Variants in GABPB1 observed in about 807,000 individuals in gnomAD.
The protein encoded by GABPB1 is GA binding protein transcription factor subunit beta 1.
In GABPB1, 15 loss-of-function variants were observed where a neutral mutation model predicts 45.9. That is an observed-to-expected ratio of 0.33 (90% confidence interval 0.22 to 0.50). The LOEUF (loss-of-function observed/expected upper bound fraction) is 0.50. Ranked by LOEUF, GABPB1 falls within the 20% of genes least tolerant of loss-of-function variation. The pLI, the probability that GABPB1 is intolerant of heterozygous loss-of-function variation, is 0.98. For synonymous variants in GABPB1, 143 were observed against 154.4 expected (o/e 0.93, Z 0.55); for missense variants, 252 against 457.5 (o/e 0.55, Z 4.10).
chr15:50,320,243 C>A (rs2047511973), intron 1 of GABPB1, among the ~76,000 whole-genome samples: 1 of 152,230 alleles, frequency 6.6e-6, no homozygotes, highest in Admixed American at 6.5e-5. Context: ...TCTTGGCTCA[C>A]TGCAACCTCC....
At chr15:50,319,392 A>G (rs190408382) in intron 1 of GABPB1, among the ~76,000 whole-genome samples, 89 of 152,286 alleles carry the variant, frequency 5.8e-4, no homozygotes, top group African/African-American at 2.1e-3. Context: ...AATAGTGAAC[A>G]CTGTACCCAA....
chr15:50,312,376 T>C (rs1216935338), intron 1 of GABPB1, among the ~76,000 whole-genome samples: 2 of 152,210 alleles, frequency 1.3e-5, no homozygotes, highest in Admixed American at 1.3e-4. Flanking sequence ...TTTCCTTTTT[T>C]TCTCCTATTC....
chr15:50,344,086 G>A (rs933614216), intron 1 of GABPB1, among the ~76,000 whole-genome samples: 9 of 152,182 alleles, frequency 5.9e-5, no homozygotes, highest in African/African-American at 1.9e-4. Context: ...TTAGAACAGT[G>A]CCAGCCGCAG....
rs1267386459 is a variant in GABPB1 at position 50,275,475 on chromosome 15, CA to C, written c.*3156del. The C allele has an allele frequency of 6.6e-6, 1 of 152,116 alleles. No homozygotes were observed. Among genetic ancestry groups the C allele is most frequent in the Admixed American group, 6.6e-5 (1 of 15,262 alleles). 9.4% of individuals were successfully genotyped at this position (152,116 alleles called of 1,614,324 possible). A position where few individuals can be genotyped will look rare whatever the true frequency, so the allele number is the denominator to read the frequency against. On this transcript the variant is annotated 3_prime_UTR_variant, in exon 9 of 9. Coordinates refer to ENST00000380877, the MANE Select transcript of GABPB1 (RefSeq NM_016654.5). ...ATGTCCTGATAAACCCATCCTAAGT[CA>C]AAAATATCATAAATGTAAAATGCAA...
intron 3 of GABPB1, 132 bp downstream of exon 3, chr15:50,303,834 G>C: frequency 3.7e-6 from 2 of 543,724 alleles, no homozygotes; most frequent in South Asian, 4.5e-5. Flanking sequence ...TTCATTTAAT[G>C]GGCTTATACA....
intron 1 of GABPB1, among the ~76,000 whole-genome samples, chr15:50,326,043 G>C (rs2047749653): frequency 6.8e-6 from 1 of 146,452 alleles, no homozygotes; most frequent in African/African-American, 2.5e-5. Context: ...AAGTAGCTGG[G>C]AATATAGGCG....
intron 1 of GABPB1, among the ~76,000 whole-genome samples, chr15:50,336,300 GC>G (rs1409490959): frequency 2.1e-5 from 3 of 146,108 alleles, no homozygotes; most frequent in Non-Finnish European, 4.5e-5. Context: ...GTTGCAGTAA[GC>G]CAAGATCACA....
chr15:50,328,946 C>T (rs576071241), intron 1 of GABPB1, among the ~76,000 whole-genome samples: 1 of 152,302 alleles, frequency 6.6e-6, no homozygotes, highest in Admixed American at 6.5e-5. Flanking sequence ...CACCTAGCCA[C>T]CTCCATTTGT....
At chr15:50,305,882 A>C (rs2046931263) in intron 2 of GABPB1, among the ~76,000 whole-genome samples, 1 of 152,114 alleles carries the variant, frequency 6.6e-6, no homozygotes, top group African/African-American at 2.4e-5. Flanking sequence ...TCTGAGCTCA[A>C]GCGATCCTCC....
intron 6 of GABPB1, among the ~76,000 whole-genome samples, chr15:50,289,871 A>G (rs1473157569): frequency 6.6e-6 from 1 of 151,660 alleles, no homozygotes; most frequent in Non-Finnish European, 1.5e-5. Flanking sequence ...TCCTGCACTC[A>G]CGTAATCCTC....
intron 2 of GABPB1, among the ~76,000 whole-genome samples, chr15:50,304,697 C>A (rs2046879449): frequency 2.1e-5 from 3 of 142,340 alleles, no homozygotes; most frequent in Admixed American, 7.4e-5. Context: ...GGTGACACAG[C>A]GAGATTTTGG....
intron 1 of GABPB1, chr15:50,349,718 T>C (rs1351173521): frequency 6.6e-6 from 1 of 152,220 alleles, no homozygotes; most frequent in Non-Finnish European, 1.5e-5. Context: ...TCATGTACAA[T>C]TTCTACAAAC....
At chr15:50,350,856 A>G (rs1406343899) in intron 1 of GABPB1, 1 of 152,224 alleles carries the variant, frequency 6.6e-6, no homozygotes, top group Non-Finnish European at 1.5e-5. Context: ...CCTTCTGGTC[A>G]AGTCAAATCT....
chr15:50,346,002 C>G (rs891465495), intron 1 of GABPB1, among the ~76,000 whole-genome samples: 6 of 152,094 alleles, frequency 3.9e-5, no homozygotes, highest in African/African-American at 7.2e-5. Flanking sequence ...TGAGCCACCA[C>G]GCCCGGTGAG....
intron 1 of GABPB1, among the ~76,000 whole-genome samples, chr15:50,347,127 G>A (rs1476780665): frequency 6.6e-6 from 1 of 151,896 alleles, no homozygotes; most frequent in African/African-American, 2.4e-5. Flanking sequence ...CACTCCTGAG[G>A]GCTCTACCCA....
chr15:50,354,933 G>C (rs915045253), intron 1 of GABPB1, 52 bp downstream of exon 1: 14 of 213,284 alleles, frequency 6.6e-5, no homozygotes, highest in Non-Finnish European at 1.2e-4. Context: ...CCAGCGAAGA[G>C]ATCAACTTCC....
intron 5 of GABPB1, 100 bp from the exon 6 acceptor site, chr15:50,301,002 G>A (rs1250349605): frequency 6.9e-5 from 58 of 835,156 alleles, no homozygotes; most frequent in Non-Finnish European, 9.6e-6. Flanking sequence ...ACAAAGCTTG[G>A]ATAGCATTAG....
chr15:50,316,058 CT>C (rs1212676273), intron 1 of GABPB1, among the ~76,000 whole-genome samples: 1 of 149,442 alleles, frequency 6.7e-6, no homozygotes, highest in East Asian at 1.9e-4. Context: ...GCAAGACTGT[CT>C]CAAAAACAAA....
Position 50,317,742 on chromosome 15 carries a change from T to C in GABPB1, c.1-7944A>G, listed in dbSNP as rs538897243. On this transcript the variant is annotated intron_variant, in intron 1 of 8. Coordinates refer to ENST00000380877, the MANE Select transcript of GABPB1 (RefSeq NM_016654.5). ...GGCTAACATGGTGAAACCCCGTCTC[T>C]ACTGAAAATACAAAAAATTAGCTGA... Among the ~76,000 whole-genome samples the C allele has an allele frequency of 3.9e-5, 6 of 152,062 alleles. No individual in the cohort carries two copies. In the South Asian group the frequency reaches 1.2e-3, roughly 32 times the overall value.
Sources: gnomAD v4.1 joint callset for allele counts (sites outside exome capture counted in the v4.1 genomes callset) on GRCh38, gnomAD v4.1.1 for gene constraint, MANE v1.5 for transcripts, NCBI Gene and HGNC (gene_info 2026-07-23, HGNC 2026-07-21) for gene names.